The following ESR1 variants were observed in gnomAD, a reference collection of about 807,000 sequenced individuals.
ESR1 encodes the protein estrogen receptor.
ESR1 carries 12 observed loss-of-function variants against 52.7 expected under a neutral mutation model. The observed-to-expected ratio is 0.23, with a 90% CI of 0.15 to 0.37. ESR1 has a LOEUF of 0.37. Ranked by LOEUF, ESR1 falls within the 10% of genes least tolerant of loss-of-function variation. The pLI, the probability that ESR1 is intolerant of heterozygous loss-of-function variation, is 1.00. For missense variants in ESR1, 584 were observed against 779.7 expected, an observed-to-expected ratio of 0.75 and a Z score of 2.99; for synonymous variants, 305 against 316.8, an observed-to-expected ratio of 0.96 and a Z score of 0.39.
intron 4 of ESR1, among the ~76,000 whole-genome samples, chr6:151,982,633 C>T (rs142481664): frequency 0.064 from 9,701 of 151,610 alleles, 403 homozygotes; most frequent in Middle Eastern, 0.11. Context: ...TATAGGCGCC[C>T]GCCACCACAC....
chr6:151,716,141 T>C (rs913170255), intron 2 of ESR1, among the ~76,000 whole-genome samples: 2 of 152,170 alleles, frequency 1.3e-5, no homozygotes, highest in Non-Finnish European at 2.9e-5. Context: ...CTCCAAACCC[T>C]GTTTGTCTGG....
chr6:152,128,486 T>A (rs928552718), exon 7 of ESR1: 2 of 152,218 alleles, frequency 1.3e-5, no homozygotes, highest in Non-Finnish European at 1.5e-5. Flanking sequence ...TTTAAAATAC[T>A]GTATGAAGAT....
intron 3 of ESR1, among the ~76,000 whole-genome samples, chr6:151,937,393 T>C (rs1221959553): frequency 6.6e-6 from 1 of 151,708 alleles, no homozygotes; most frequent in Non-Finnish European, 1.5e-5. Flanking sequence ...AGTCATTGAG[T>C]GATTGGAAAG....
intron 3 of ESR1, among the ~76,000 whole-genome samples, chr6:151,899,002 G>T (rs1176226510): frequency 2.0e-5 from 3 of 151,132 alleles, no homozygotes; most frequent in African/African-American, 7.3e-5. Flanking sequence ...CTCACCTCCC[G>T]GACGGGGCGG....
intron 1 of ESR1, among the ~76,000 whole-genome samples, chr6:151,658,697 T>C (rs936663737): frequency 8.2e-6 from 1 of 122,294 alleles, no homozygotes; most frequent in Non-Finnish European, 1.8e-5. Flanking sequence ...GGAGATATCA[T>C]ATCTTAGCAC....
intron 3 of ESR1, among the ~76,000 whole-genome samples, chr6:151,886,255 G>GT (rs1234048173): frequency 1.3e-5 from 2 of 152,154 alleles, no homozygotes; most frequent in African/African-American, 4.8e-5. Context: ...TTTGTGAAAG[G>GT]TTTTTTCTTA....
At chr6:151,904,535 AAT>A (rs1797155012) in intron 3 of ESR1, among the ~76,000 whole-genome samples, 2 of 152,324 alleles carry the variant, frequency 1.3e-5, no homozygotes, top group South Asian at 4.1e-4. Flanking sequence ...TATTAGTTGT[AAT>A]ATGACAGTTC....
intron 2 of ESR1, among the ~76,000 whole-genome samples, chr6:151,760,321 A>G (rs1367376962): frequency 2.0e-5 from 3 of 152,218 alleles, no homozygotes; most frequent in African/African-American, 4.8e-5. Flanking sequence ...ACCACCCAAC[A>G]AGGCATTGTA....
At chr6:151,927,136 G>A (rs2032879277) in intron 3 of ESR1, among the ~76,000 whole-genome samples, 1 of 152,012 alleles carries the variant, frequency 6.6e-6, no homozygotes, top group Admixed American at 6.5e-5. Flanking sequence ...TGTTAATGTG[G>A]CAGATTATAT....
chr6:152,063,897 G>A (rs999392468), intron 6 of ESR1, among the ~76,000 whole-genome samples: 9 of 152,288 alleles, frequency 5.9e-5, no homozygotes, highest in African/African-American at 9.6e-5. Context: ...TATTGGCCCC[G>A]ATTTTGTGGC....
intron 1 of ESR1, among the ~76,000 whole-genome samples, chr6:151,830,508 T>G (rs768498330): frequency 2.6e-5 from 4 of 152,200 alleles, no homozygotes; most frequent in South Asian, 4.1e-4. Context: ...ATTGCAGCTC[T>G]CTCTCTCTCT....
intron 2 of ESR1, among the ~76,000 whole-genome samples, chr6:151,715,612 G>T (rs1181569377): frequency 6.6e-6 from 1 of 151,826 alleles, no homozygotes; most frequent in Non-Finnish European, 1.5e-5. Context: ...CCTTTCTTTT[G>T]CTTGATTGAT....
At chr6:151,766,759 A>T (rs1033355491) in intron 2 of ESR1, among the ~76,000 whole-genome samples, 1 of 152,212 alleles carries the variant, frequency 6.6e-6, no homozygotes, top group African/African-American at 2.4e-5. Context: ...AGGGGGAAAG[A>T]CTGGGGAGAA....
At chr6:151,907,628 A>T (rs1797655140) in intron 3 of ESR1, among the ~76,000 whole-genome samples, 1 of 152,096 alleles carries the variant, frequency 6.6e-6, no homozygotes, top group Non-Finnish European at 1.5e-5. Flanking sequence ...TCCAGCATGG[A>T]CATACTATAA....
chr6:151,832,412 A>ATTG (rs576130270), intron 1 of ESR1, among the ~76,000 whole-genome samples: 85 of 152,356 alleles, frequency 5.6e-4, no homozygotes, highest in Middle Eastern at 6.8e-3. Flanking sequence ...TAGATACAAA[A>ATTG]TAAATACATA....
chr6:151,712,519 A>T (rs928101737), intron 2 of ESR1, among the ~76,000 whole-genome samples: 2 of 151,918 alleles, frequency 1.3e-5, no homozygotes, highest in African/African-American at 4.8e-5. Flanking sequence ...TTTTTCCTTG[A>T]GCAGTGGTTT....
chr6:151,726,792 A>G (rs920887630), intron 2 of ESR1, among the ~76,000 whole-genome samples: 6 of 152,214 alleles, frequency 3.9e-5, no homozygotes, highest in Non-Finnish European at 8.8e-5. Context: ...CAAATATACA[A>G]CATGCCATAT....
At chr6:151,956,739 C>CA in intron 4 of ESR1, among the ~76,000 whole-genome samples, 1 of 149,708 alleles carries the variant, frequency 6.7e-6, no homozygotes, top group East Asian at 1.9e-4. Flanking sequence ...CCAAAAAAAA[C>CA]AACCCTTCTC....
At chr6:152,104,789 A>G (rs989929263), downstream of ESR1, among the ~76,000 whole-genome samples, 6 of 152,160 alleles carry the variant, frequency 3.9e-5, no homozygotes, top group African/African-American at 1.4e-4. Context: ...CTAATGAGGC[A>G]GCTCCTGGTG....
Sources: gnomAD v4.1 joint callset for allele counts (sites outside exome capture counted in the v4.1 genomes callset) on GRCh38, gnomAD v4.1.1 for gene constraint, MANE v1.5 for transcripts, NCBI Gene and HGNC (gene_info 2026-07-23, HGNC 2026-07-21) for gene names.